CNTNAP5: variants seen among roughly 807,000 people sequenced by gnomAD.
CNTNAP5 encodes the protein contactin-associated protein-like 5.
In CNTNAP5, 72 loss-of-function variants were observed where a neutral mutation model predicts 150.2. The ratio of observed to expected loss-of-function variants is 0.48; its 90% confidence interval spans 0.40 to 0.58. The LOEUF (loss-of-function observed/expected upper bound fraction) is 0.58, where lower values mean the gene tolerates loss of function less well. CNTNAP5 is among the 20% of genes least tolerant of loss of function. The pLI is 0.00. For synonymous variants in CNTNAP5, 672 were observed against 619.8 expected, an observed-to-expected ratio of 1.08 and a Z score of -1.25; for missense variants, 1,636 against 1,626.2, an observed-to-expected ratio of 1.01 and a Z score of -0.10.
chr2:124,500,521 T>C (rs1694253412), intron 7 of CNTNAP5, among the ~76,000 whole-genome samples: 1 of 152,078 alleles, frequency 6.6e-6, no homozygotes. Flanking sequence ...AGTGTGATAA[T>C]ATATCCAAGG....
Position 124,423,424 on chromosome 2 carries a change from G to A in CNTNAP5, c.529+5834G>A, listed in dbSNP as rs566343609. On this transcript the variant is annotated intron_variant, in intron 4 of 23. Coordinates refer to ENST00000682447, the MANE Select transcript of CNTNAP5 (RefSeq NM_001367498.1). ...GGTATCCAAGGATTTCAGCACCTTC[G>A]TCAGGCCATCTGGAGTCTAGGCTAC... is the stretch of plus-strand genomic sequence containing the variant. 2.0e-5 allele frequency among the ~76,000 whole-genome samples: 3 copies of A among 152,160 alleles called. No individual in the cohort carries two copies. In the South Asian group the frequency reaches 6.2e-4, roughly 32 times the overall value.
At chr2:124,667,023 TG>T (rs11361588) in intron 13 of CNTNAP5, among the ~76,000 whole-genome samples, 84,219 of 151,952 alleles carry the variant, frequency 0.55, 23,901 homozygotes, top group Non-Finnish European at 0.62. Context: ...AGAAGAACGA[TG>T]GGGGAAACAT....
chr2:124,186,413 ATGAAAGG>A (rs1192745148), intron 1 of CNTNAP5, among the ~76,000 whole-genome samples: 4 of 152,222 alleles, frequency 2.6e-5, no homozygotes, highest in Non-Finnish European at 5.9e-5. Flanking sequence ...ATAAATGCTT[ATGAAAGG>A]TTATAAGCCT....
At chr2:124,356,862 G>C (rs1242696721) in intron 3 of CNTNAP5, among the ~76,000 whole-genome samples, 2 of 151,620 alleles carry the variant, frequency 1.3e-5, no homozygotes, top group Non-Finnish European at 2.9e-5. Context: ...TCTAGTTCTA[G>C]ATCCCTGAGG....
At chr2:124,858,958 G>T (rs1301318914) in intron 19 of CNTNAP5, among the ~76,000 whole-genome samples, 1 of 152,070 alleles carries the variant, frequency 6.6e-6, no homozygotes, top group Non-Finnish European at 1.5e-5. Flanking sequence ...GAAAACCCTA[G>T]AAGAAAACCG....
intron 5 of CNTNAP5, among the ~76,000 whole-genome samples, chr2:124,445,841 A>G (rs1394142242): frequency 6.6e-6 from 1 of 152,212 alleles, no homozygotes; most frequent in Non-Finnish European, 1.5e-5. Context: ...CGTTAGTTCT[A>G]TTTAATTGTT....
At chr2:124,806,916 T>C (rs949900758) in intron 19 of CNTNAP5, among the ~76,000 whole-genome samples, 1 of 15,148 alleles carries the variant, frequency 6.6e-5, no homozygotes, top group Non-Finnish European at 1.3e-4. Context: ...TTTATTTTAC[T>C]TTTTTTTTTT....
At chr2:124,606,153 G>T (rs1697102376) in intron 11 of CNTNAP5, among the ~76,000 whole-genome samples, 2 of 152,042 alleles carry the variant, frequency 1.3e-5, no homozygotes, top group Non-Finnish European at 2.9e-5. Flanking sequence ...GTTCAGAAAA[G>T]AAAAAGTAAT....
chr2:124,722,429 T>A (rs991517186), intron 13 of CNTNAP5, among the ~76,000 whole-genome samples: 1 of 152,070 alleles, frequency 6.6e-6, no homozygotes, highest in Non-Finnish European at 1.5e-5. Context: ...AGATAGACAT[T>A]CTCCTGCCAA....
intron 3 of CNTNAP5, among the ~76,000 whole-genome samples, chr2:124,268,078 T>C (rs1687658118): frequency 6.6e-6 from 1 of 152,164 alleles, no homozygotes; most frequent in South Asian, 2.1e-4. Flanking sequence ...CTTTACTGTG[T>C]GAACTCAGGG....
chr2:124,303,327 T>G (rs1688609900), intron 3 of CNTNAP5, among the ~76,000 whole-genome samples: 1 of 152,176 alleles, frequency 6.6e-6, no homozygotes, highest in African/African-American at 2.4e-5. Flanking sequence ...ATGTATTCAG[T>G]CATGATACAC....
rs116356182 is a variant in CNTNAP5 at position 124,220,662 on chromosome 2, G to T, written c.83-1043G>T. Among the ~76,000 whole-genome samples, 770 of 152,214 alleles carry T rather than the reference G, an allele frequency of 5.1e-3. 7 individuals carry two copies. Among genetic ancestry groups the T allele is most frequent in the African/African-American group, 0.018 (742 of 41,560 alleles). On this transcript the variant is annotated intron_variant, in intron 1 of 23. Transcript: ENST00000682447. ...AAAGGCTGGGAAGTTGAATATCAAG[G>T]TTCTGGTATCTGGTGAGAGCTCTCT...
rs1678825598 is a variant in CNTNAP5 at position 124,919,157 on chromosome 2, C to T, written c.*4869C>T. 2.0e-5 allele frequency among the ~76,000 whole-genome samples: 3 copies of T among 151,966 alleles called. No individual in the cohort carries two copies. Among genetic ancestry groups the T allele is most frequent in the African/African-American group, 7.2e-5 (3 of 41,406 alleles). On this transcript the variant is annotated 3_prime_UTR_variant, in exon 24 of 24. Transcript: ENST00000682447. ...CGCACGCTCACATGCACACTTTGTA[C>T]AAATAGGGCTGTTATTCAACTTTTC...
chr2:124,416,438 G>A (rs1691919208), intron 3 of CNTNAP5, among the ~76,000 whole-genome samples: 1 of 151,372 alleles, frequency 6.6e-6, no homozygotes, highest in Non-Finnish European at 1.5e-5. Context: ...TCCAAATAAA[G>A]GCTATGAAGT....
chr2:124,079,206 G>A (rs1682504862), intron 1 of CNTNAP5, among the ~76,000 whole-genome samples: 2 of 152,176 alleles, frequency 1.3e-5, no homozygotes, highest in Admixed American at 1.3e-4. Context: ...CAGAAAATTT[G>A]ATCTCAAAGA....
At chr2:124,060,455 T>C (rs1305430230) in intron 1 of CNTNAP5, among the ~76,000 whole-genome samples, 1 of 152,212 alleles carries the variant, frequency 6.6e-6, no homozygotes, top group Admixed American at 6.5e-5. Flanking sequence ...TACACTTACG[T>C]CTGAGAAGCA....
At chr2:124,332,955 A>G (rs1025248137) in intron 3 of CNTNAP5, among the ~76,000 whole-genome samples, 14 of 152,188 alleles carry the variant, frequency 9.2e-5, no homozygotes, top group African/African-American at 3.1e-4. Flanking sequence ...ATAAATGCTC[A>G]TTTATCACTA....
chr2:124,462,183 C>T (rs944428982), intron 6 of CNTNAP5, among the ~76,000 whole-genome samples: 3 of 151,888 alleles, frequency 2.0e-5, no homozygotes, highest in Non-Finnish European at 2.9e-5. Flanking sequence ...GTCTGTGTGA[C>T]CATTTGACCA....
At position 124,920,024 on chromosome 2, in the gene CNTNAP5, T is replaced by A. The variant is rs184954302; in HGVS notation, c.*5736T>A. 6.6e-6 allele frequency among the ~76,000 whole-genome samples: 1 copy of A among 152,194 alleles called. No individual in the cohort carries two copies. The highest frequency in any genetic ancestry group is 1.5e-5 in the Non-Finnish European group (1 of 67,988). ...AAGAAGGAGTGTAGTGTCCCAGCCC[T>A]GACAACGAGTACCGCCAGGGACCTA... is the stretch of plus-strand genomic sequence containing the variant. On this transcript the variant is annotated 3_prime_UTR_variant, in exon 24 of 24. Coordinates refer to ENST00000682447, the MANE Select transcript of CNTNAP5 (RefSeq NM_001367498.1).
Sources: gnomAD v4.1 joint callset for allele counts (sites outside exome capture counted in the v4.1 genomes callset) on GRCh38, gnomAD v4.1.1 for gene constraint, MANE v1.5 for transcripts, NCBI Gene and HGNC (gene_info 2026-07-23, HGNC 2026-07-21) for gene names.